TMEM260: variants seen among roughly 807,000 people sequenced by gnomAD.
The protein encoded by TMEM260 is transmembrane protein 260, also known as protein O-mannosyl-transferase TMEM260.
A neutral mutation model predicts 88.9 loss-of-function variants in TMEM260; 82 were observed. That is an observed-to-expected ratio of 0.92 (90% CI 0.77 to 1.11). The LOEUF is 1.11. Among genes scored for constraint, TMEM260 ranks in the 50% least tolerant of loss-of-function variants. TMEM260 has a pLI of 0.00. For synonymous variants in TMEM260, 314 were observed against 309.3 expected, an observed-to-expected ratio of 1.02 and a Z score of -0.16; for missense variants, 902 against 853.4, an observed-to-expected ratio of 1.06 and a Z score of -0.71.
chr14:56,609,022 T>C, intron 5 of TMEM260, 84 bp from the exon 6 acceptor site: 1 of 1,355,240 alleles, frequency 7.4e-7, no homozygotes, highest in Non-Finnish European at 1.0e-6. Context: ...ACATATTTGA[T>C]GTTTTCCTTG....
downstream of TMEM260, among the ~76,000 whole-genome samples, chr14:56,653,061 AGGC>A (rs1890233922): frequency 6.6e-6 from 1 of 152,212 alleles, no homozygotes; most frequent in Non-Finnish European, 1.5e-5. Flanking sequence ...TGGGAGGCCA[AGGC>A]AGGTGGATCA....
intron 3 of TMEM260, 90 bp downstream of exon 3, chr14:56,586,002 G>A (rs1288533704): frequency 1.5e-6 from 2 of 1,350,566 alleles, no homozygotes; most frequent in Non-Finnish European, 2.0e-6. Context: ...AAAATCTTTT[G>A]TTGCTTGGTT....
chr14:56,628,432 A>G (rs1888370359), intron 12 of TMEM260, among the ~76,000 whole-genome samples: 1 of 152,124 alleles, frequency 6.6e-6, no homozygotes, highest in Non-Finnish European at 1.5e-5. Flanking sequence ...ATTTTTTTCT[A>G]TGAATTATAT....
intron 3 of TMEM260, among the ~76,000 whole-genome samples, chr14:56,590,004 GTAAC>G (rs1269129789): frequency 6.6e-6 from 1 of 152,142 alleles, no homozygotes; most frequent in African/African-American, 2.4e-5. Flanking sequence ...AATTTCAGAA[GTAAC>G]TATGCATAAG....
At chr14:56,614,150 C>A (rs781233689) in intron 7 of TMEM260, among the ~76,000 whole-genome samples, 2 of 150,870 alleles carry the variant, frequency 1.3e-5, no homozygotes, top group African/African-American at 4.9e-5. Flanking sequence ...CTCAGGTGAT[C>A]CACCTGCCTC....
intron 12 of TMEM260, among the ~76,000 whole-genome samples, chr14:56,629,396 A>C (rs2139617147): frequency 6.6e-6 from 1 of 151,718 alleles, no homozygotes; most frequent in African/African-American, 2.4e-5. Context: ...CTGTCATATA[A>C]GTCTTTTACT....
intron 12 of TMEM260, among the ~76,000 whole-genome samples, chr14:56,627,007 A>G (rs1888282997): frequency 6.6e-6 from 1 of 152,148 alleles, no homozygotes; most frequent in Non-Finnish European, 1.5e-5. Context: ...CCATTATATC[A>G]TAAGCATTTC....
chr14:56,647,143 T>A, intron 15 of TMEM260, 100 bp from the exon 16 acceptor site: 2 of 1,309,142 alleles, frequency 1.5e-6, no homozygotes, highest in Non-Finnish European at 2.0e-6. Flanking sequence ...GCTGCTTGAA[T>A]TTTTTTTTCT....
rs1050322224 is a variant in TMEM260, at chr14:56,579,967, T to A, written c.53T>A (p.Val18Glu). Residue 18 changes from valine to glutamate, a missense_variant, in exon 1 of 16, where the codon GTG becomes GAG. By Grantham distance (121) the Val-to-Glu change is moderately radical (BLOSUM62 -2). Coordinates refer to ENST00000261556, the MANE Select transcript of TMEM260 (RefSeq NM_017799.4). The stretch of plus-strand genomic sequence containing the variant: ...CAGGCCCAGGGGCGGGCAGTCCGAG[T>A]GGGGCTGCGGCGCTCCGGGGGCATC... ...RGQAQGRAVRVGLRRSGGIRG... is the reference protein window; with the variant it reads ...RGQAQGRAVREGLRRSGGIRG... 16 of 1,242,008 alleles carry A rather than the reference T, an allele frequency of 1.3e-5. No homozygotes were observed. The East Asian group carries it at 1.6e-4, about 12-fold the overall frequency. The allele number at this position is 1,242,008 out of a possible 1,614,324, so 76.9% of individuals were successfully genotyped here. A position where few individuals can be genotyped will look rare whatever the true frequency, so the allele number is the denominator to read the frequency against.
intron 11 of TMEM260, among the ~76,000 whole-genome samples, chr14:56,623,929 A>G (rs917051879): frequency 6.6e-6 from 1 of 152,236 alleles, no homozygotes; most frequent in African/African-American, 2.4e-5. Flanking sequence ...TCTTCTTTAA[A>G]AAGAGGGAAT....
intron 6 of TMEM260, among the ~76,000 whole-genome samples, chr14:56,610,223 A>G (rs552341589): frequency 4.3e-4 from 66 of 152,088 alleles, no homozygotes; most frequent in African/African-American, 1.5e-3. Flanking sequence ...CTTTTTAAAA[A>G]AAAGAATTTT....
rs372375253 is a variant in TMEM260, at chr14:56,605,593, C to G, written c.546C>G (p.Cys182Trp). Residue 182 changes from cysteine to tryptophan, a missense_variant, in exon 5 of 16, where the codon TGC (cysteine) becomes TGG (tryptophan). Physicochemically the swap from Cys to Trp is radical, Grantham distance 215. Coordinates refer to ENST00000261556, the MANE Select transcript of TMEM260 (RefSeq NM_017799.4). ...RSKVAKIGAF[C>W]CGLSLCNQHT... ...AGGTAGCTAAAATTGGTGCTTTCTG[C>G]TGTGGCCTTAGTTTATGTAACCAGC... is the stretch of plus-strand genomic sequence containing the variant. The G allele has an allele frequency of 6.4e-6, 10 of 1,557,204 alleles. No individual in the cohort carries two copies. In the African/African-American group the frequency reaches 1.4e-4, roughly 22 times the overall value.
intron 7 of TMEM260, chr14:56,615,355 G>A (rs1197023661): frequency 1.3e-5 from 2 of 152,028 alleles, no homozygotes. Flanking sequence ...GTTAATGGAA[G>A]AATTTAGTTT....
Position 56,621,588 on chromosome 14 carries a change from C to A in TMEM260, c.1284C>A (p.Thr428=). 4 of 1,613,504 alleles carry A rather than the reference C, an allele frequency of 2.5e-6. No homozygotes were observed. Among genetic ancestry groups the A allele is most frequent in the Non-Finnish European group, 3.4e-6 (4 of 1,179,744 alleles). The stretch of plus-strand genomic sequence containing the variant: ...ATAAGTTCGCAAAGAACCTTCTCAC[C>A]TCTATGCCTCATGATGCAATTATCT... ...VIDKFAKNLL[T]SMPHDAIILL... is the part of the protein sequence containing the mutation. Residue 428 remains threonine (T), a synonymous_variant, in exon 11 of 16, where the codon ACC becomes ACA. Transcript: ENST00000261556.
chr14:56,591,106 T>C (rs1280590352), intron 3 of TMEM260, among the ~76,000 whole-genome samples: 1 of 152,226 alleles, frequency 6.6e-6, no homozygotes, highest in Non-Finnish European at 1.5e-5. Flanking sequence ...GTTTCCTCAA[T>C]TACAAAAACT....
intron 12 of TMEM260, among the ~76,000 whole-genome samples, chr14:56,629,443 T>C (rs908738830): frequency 6.6e-6 from 1 of 152,088 alleles, no homozygotes; most frequent in African/African-American, 2.4e-5. Context: ...GGGTCGTTTT[T>C]ATTTCAGTTG....
In TMEM260 at chr14:56,596,377, T is replaced by TGA. The variant is rs370761631; in HGVS notation, c.345-7434_345-7433dup. Among the ~76,000 whole-genome samples the TGA allele has an allele frequency of 5.4e-3, 695 of 127,672 alleles. 2 individuals carry two copies. The highest frequency in any genetic ancestry group is 0.018 in the African/African-American group (611 of 33,134). 83.8% of individuals were successfully genotyped at this position (127,672 alleles called of 152,430 possible). A position where few individuals can be genotyped will look rare whatever the true frequency, so the allele number is the denominator to read the frequency against. ...CTAGGGACACACACACATATATATG[T>TGA]GAGAGTGTGTGTGTGTGTGTGTGTG... On this transcript the variant is annotated intron_variant, in intron 3 of 15. Transcript: ENST00000261556.
chr14:56,628,088 T>A (rs1173977432), intron 12 of TMEM260, among the ~76,000 whole-genome samples: 1 of 152,228 alleles, frequency 6.6e-6, no homozygotes, highest in Non-Finnish European at 1.5e-5. Context: ...CAATAGTTTA[T>A]TCTTTTTGTT....
chr14:56,596,381 A>AGAGAGAGTGTGT (rs1555334739), intron 3 of TMEM260, among the ~76,000 whole-genome samples: 10 of 126,576 alleles, frequency 7.9e-5, no homozygotes, highest in African/African-American at 2.7e-4. Context: ...TATATGTGAG[A>AGAGAGAGTGTGT]GTGTGTGTGT....
Sources: gnomAD v4.1 joint callset for allele counts (sites outside exome capture counted in the v4.1 genomes callset) on GRCh38, gnomAD v4.1.1 for gene constraint, MANE v1.5 for transcripts, NCBI Gene and HGNC (gene_info 2026-07-23, HGNC 2026-07-21) for gene names.